HSD17B12: variants seen among roughly 807,000 people sequenced by gnomAD.
HSD17B12 encodes hydroxysteroid 17-beta dehydrogenase 12.
Under a neutral mutation model 39.3 loss-of-function variants are expected in HSD17B12, and 32 were observed. The ratio of observed to expected loss-of-function variants is 0.81; its 90% CI spans 0.61 to 1.09. The LOEUF is 1.09. Among genes scored for constraint, HSD17B12 ranks in the 50% least tolerant of loss-of-function variants. The probability of loss-of-function intolerance (pLI) is 0.00; values close to 1 mark genes in which losing one functional copy is unlikely to be tolerated. For missense variants in HSD17B12, 342 were observed against 382.9 expected (o/e 0.89, Z 0.89); for synonymous variants, 150 against 146.7 (o/e 1.02, Z -0.16).
intron 1 of HSD17B12, among the ~76,000 whole-genome samples, chr11:43,721,870 C>T (rs1950179633): frequency 6.6e-6 from 1 of 152,074 alleles, no homozygotes; most frequent in Non-Finnish European, 1.5e-5. Context: ...TTACTTTTTG[C>T]AAAGATGTCT....
chr11:43,726,631 CT>C (rs1418343867), intron 1 of HSD17B12, among the ~76,000 whole-genome samples: 3 of 152,176 alleles, frequency 2.0e-5, no homozygotes, highest in Non-Finnish European at 4.4e-5. Flanking sequence ...TGTTTCTTCA[CT>C]TGGTTATCTC....
At chr11:43,785,497 C>A (rs1299722361) in intron 3 of HSD17B12, among the ~76,000 whole-genome samples, 1 of 152,122 alleles carries the variant, frequency 6.6e-6, no homozygotes, top group Non-Finnish European at 1.5e-5. Flanking sequence ...TAGAGCAGAG[C>A]TTGCTCTAGT....
At chr11:43,712,187 G>C (rs1950073167) in intron 1 of HSD17B12, among the ~76,000 whole-genome samples, 1 of 152,156 alleles carries the variant, frequency 6.6e-6, no homozygotes, top group African/African-American at 2.4e-5. Flanking sequence ...CCAGGACTTT[G>C]GGAGGCGGAG....
chr11:43,778,019 C>T (rs1470456834), intron 3 of HSD17B12, among the ~76,000 whole-genome samples: 1 of 152,026 alleles, frequency 6.6e-6, no homozygotes, highest in East Asian at 1.9e-4. Context: ...CACAAAAAAA[C>T]CCTTCAAAAA....
chr11:43,622,940 C>A, the HSD17B12 span, among the ~76,000 whole-genome samples: 1 of 151,982 alleles, frequency 6.6e-6, no homozygotes, highest in African/African-American at 2.4e-5. Context: ...TACAGTTCTA[C>A]AAGGTTTATG....
chr11:43,564,851 G>A, the HSD17B12 span, among the ~76,000 whole-genome samples: 1 of 152,052 alleles, frequency 6.6e-6, no homozygotes, highest in Non-Finnish European at 1.5e-5. Context: ...ATAGAGATGA[G>A]GGATGAGGAT....
At chr11:43,687,733 C>T (rs1412646425) in intron 1 of HSD17B12, among the ~76,000 whole-genome samples, 3 of 152,146 alleles carry the variant, frequency 2.0e-5, no homozygotes, top group Non-Finnish European at 4.4e-5. Flanking sequence ...TATCCTGGAG[C>T]AGTGGAAAGC....
the HSD17B12 span, among the ~76,000 whole-genome samples, chr11:43,576,946 C>T: frequency 6.6e-6 from 1 of 152,082 alleles, no homozygotes; most frequent in Non-Finnish European, 1.5e-5. Flanking sequence ...TCCCCATTTT[C>T]TCTGTCTTAA....
At chr11:43,677,334 T>C (rs1949701085), upstream of HSD17B12, among the ~76,000 whole-genome samples, 1 of 152,190 alleles carries the variant, frequency 6.6e-6, no homozygotes. Flanking sequence ...CCCTACTGGC[T>C]AAGAACAAAT....
chr11:43,732,610 G>A (rs7948631), intron 1 of HSD17B12, among the ~76,000 whole-genome samples: 4,972 of 152,046 alleles, frequency 0.033, 291 homozygotes, highest in African/African-American at 0.11. Flanking sequence ...ACTACAGGCA[G>A]GTGCCAGCAT....
intron 6 of HSD17B12, among the ~76,000 whole-genome samples, chr11:43,822,348 T>G (rs913247221): frequency 6.6e-6 from 1 of 152,188 alleles, no homozygotes; most frequent in Admixed American, 6.5e-5. Flanking sequence ...ATTTTTTTAT[T>G]ATACTTAAAG....
intron 1 of HSD17B12, among the ~76,000 whole-genome samples, chr11:43,695,437 G>A (rs1323739739): frequency 6.6e-6 from 1 of 152,018 alleles, no homozygotes; most frequent in African/African-American, 2.4e-5. Context: ...AATTAGCTGG[G>A]CGTGGTGGTG....
intron 1 of HSD17B12, among the ~76,000 whole-genome samples, chr11:43,714,294 T>C (rs1281188996): frequency 4.0e-5 from 6 of 151,400 alleles, no homozygotes; most frequent in South Asian, 4.2e-4. Flanking sequence ...TTGAATTAAT[T>C]TTTGTATAAG....
intron 6 of HSD17B12, among the ~76,000 whole-genome samples, chr11:43,821,368 G>C (rs1951181399): frequency 2.0e-5 from 3 of 152,144 alleles, no homozygotes; most frequent in Non-Finnish European, 4.4e-5. Flanking sequence ...AACTCTATAT[G>C]TAGGTAACCA....
chr11:43,622,203 C>T, the HSD17B12 span, among the ~76,000 whole-genome samples: 14 of 152,270 alleles, frequency 9.2e-5, no homozygotes, highest in Middle Eastern at 3.4e-3. Flanking sequence ...GGGAGAGAGA[C>T]GGGATGACAG....
intron 1 of HSD17B12, among the ~76,000 whole-genome samples, chr11:43,720,062 T>G (rs1426033988): frequency 6.6e-6 from 1 of 152,212 alleles, no homozygotes; most frequent in Non-Finnish European, 1.5e-5. Flanking sequence ...GAAGTCCCTT[T>G]GTATAGATGA....
the HSD17B12 span, among the ~76,000 whole-genome samples, chr11:43,603,219 T>G: frequency 6.6e-6 from 1 of 152,212 alleles, no homozygotes; most frequent in Non-Finnish European, 1.5e-5. Flanking sequence ...ATATCTGAAG[T>G]GCACTTTTGC....
At chr11:43,581,328 T>C in the HSD17B12 span, 1 of 472,368 alleles carries the variant, frequency 2.1e-6, no homozygotes, top group Admixed American at 2.3e-5. The surrounding 1 kb of genome is among the most constrained non-coding windows in gnomAD (Gnocchi z 4.9). Flanking sequence ...CCCAGCCTGT[T>C]CGGCTCCAGG....
chr11:43,617,515 G>T, the HSD17B12 span, among the ~76,000 whole-genome samples: 1 of 152,120 alleles, frequency 6.6e-6, no homozygotes, highest in Non-Finnish European at 1.5e-5. Context: ...GAGATTTCAG[G>T]AAAGAAGAGA....
Sources: gnomAD v4.1 joint callset for allele counts (sites outside exome capture counted in the v4.1 genomes callset) on GRCh38, gnomAD v4.1.1 for gene constraint, Gnocchi (gnomAD v3.1) non-coding constraint, MANE v1.5 for transcripts, NCBI Gene and HGNC (gene_info 2026-07-23, HGNC 2026-07-21) for gene names.